HMCN2: variants seen among roughly 807,000 people sequenced by gnomAD.
HMCN2 encodes the protein hemicentin-2.
In HMCN2, 325 loss-of-function variants were observed where a neutral mutation model predicts 377.5. The ratio of observed to expected loss-of-function variants is 0.86; its 90% CI spans 0.79 to 0.94. The LOEUF (loss-of-function observed/expected upper bound fraction) is 0.94. Among genes scored for constraint, HMCN2 ranks in the 40% least tolerant of loss-of-function variants. The pLI is 0.00. For missense variants in HMCN2, 4,543 were observed against 4,725.3 expected, an observed-to-expected ratio of 0.96 and a Z score of 1.13; for synonymous variants, 2,007 against 2,046.8, an observed-to-expected ratio of 0.98 and a Z score of 0.53.
intron 1 of HMCN2, among the ~76,000 whole-genome samples, chr9:130,279,112 G>A (rs558109865): frequency 8.0e-5 from 12 of 149,222 alleles, no homozygotes; most frequent in African/African-American, 2.7e-4. Context: ...TGGTCAGGCT[G>A]ATGGTCTCGA....
At position 130,321,851 on chromosome 9, in the gene HMCN2, A is replaced by C. The variant is rs1336421722; in HGVS notation, c.2840A>C (p.Gln947Pro). Residue 947 changes from glutamine (Q) to proline (P), a missense_variant, in exon 19 of 98, where the codon CAG (glutamine) becomes CCG (proline). This residue lies in a region of HMCN2 where 547 missense variants were observed against 189.9 expected (regional missense o/e 2.88). Transcript: ENST00000683500. ...DGSLHLDRAL[Q>P]EHAGRYSCVA... The stretch of plus-strand genomic sequence containing the variant: ...AGCCTCCACCTTGACCGAGCATTGC[A>C]GGAGCACGCGGGGAGGTACAGCTGT... 1 of 152,084 alleles carries C rather than the reference A, an allele frequency of 6.6e-6. No individual in the cohort carries two copies. Among genetic ancestry groups the C allele is most frequent in the Non-Finnish European group, 1.5e-5 (1 of 68,042 alleles). The allele number at this position is 152,084 out of a possible 1,614,324, so 9.4% of individuals were successfully genotyped here.
intron 25 of HMCN2, among the ~76,000 whole-genome samples, chr9:130,345,561 T>C (rs1051069709): frequency 6.8e-6 from 1 of 147,676 alleles, no homozygotes; most frequent in Non-Finnish European, 1.5e-5. Flanking sequence ...GTGCTTGGTG[T>C]GTATGTTTGT....
chr9:130,431,300 G>A (rs1373761210), intron 95 of HMCN2, 67 bp from the exon 96 acceptor site: 2 of 1,467,888 alleles, frequency 1.4e-6, no homozygotes, highest in Non-Finnish European at 1.8e-6. Flanking sequence ...GGCCACGTTG[G>A]TGTCTGTGGC....
intron 1 of HMCN2, among the ~76,000 whole-genome samples, chr9:130,279,618 GC>G (rs1468985462): frequency 2.6e-5 from 4 of 152,218 alleles, no homozygotes; most frequent in Non-Finnish European, 5.9e-5. Flanking sequence ...CTCCCAGAGT[GC>G]TGATATTACA....
intron 15 of HMCN2, among the ~76,000 whole-genome samples, chr9:130,315,844 G>A (rs1472727996): frequency 6.6e-6 from 1 of 152,114 alleles, no homozygotes; most frequent in African/African-American, 2.4e-5. Flanking sequence ...GAGGAAGGAC[G>A]CTCCCTGGCA....
At position 130,353,108 on chromosome 9, in the gene HMCN2, G is replaced by T. The variant is rs1477093435; in HGVS notation, c.4767G>T (p.Gln1589His). 2 of 1,304,158 alleles carry T rather than the reference G, an allele frequency of 1.5e-6. No homozygotes were observed. The highest frequency in any genetic ancestry group is 2.0e-6 in the Non-Finnish European group (2 of 988,962). 80.8% of individuals were successfully genotyped at this position (1,304,158 alleles called of 1,614,324 possible). The change falls in exon 31 of 98, where the codon CAG (glutamine) becomes CAT (histidine). Residue 1589 changes from glutamine (Q) to histidine (H), a missense_variant. Physicochemically the swap from Gln to His is conservative, Grantham distance 24. This residue lies in a region of HMCN2 where 1,032 missense variants were observed against 1,285.1 expected (regional missense o/e 0.80). Transcript: ENST00000683500. ...ACACTAGGGGCGGTCGGCAGTTGCA[G>T]CTGGGGAGGGCCCAGAGCTCCGATG... ...VVYTRGGRQL[Q>H]LGRAQSSDAG... is the part of the protein sequence containing the mutation.
intron 8 of HMCN2, among the ~76,000 whole-genome samples, chr9:130,301,059 G>A (rs1836476776): frequency 6.6e-6 from 1 of 152,260 alleles, no homozygotes; most frequent in African/African-American, 2.4e-5. Context: ...TAAGGATGCA[G>A]GGAGGGGAAG....
intron 1 of HMCN2, among the ~76,000 whole-genome samples, chr9:130,280,257 G>C (rs372511734): frequency 6.6e-6 from 1 of 150,796 alleles, no homozygotes; most frequent in Non-Finnish European, 1.5e-5. Flanking sequence ...CCGCCTCCCG[G>C]GTTCACGCCA....
chr9:130,391,440 C>G lies in HMCN2; in HGVS notation c.9828-10C>G. 1.0e-6 allele frequency: 1 copy of G among 987,952 alleles called. No homozygotes were observed. Among genetic ancestry groups the G allele is most frequent in the Non-Finnish European group, 1.2e-6 (1 of 830,208 alleles). The allele number at this position is 987,952 out of a possible 1,614,324, so 61.2% of individuals were successfully genotyped here. On this transcript the variant is annotated splice_polypyrimidine_tract_variant and intron_variant, in intron 64 of 97. Coordinates refer to ENST00000683500, the MANE Select transcript of HMCN2 (RefSeq NM_001291815.2). ...ACGCCTCTGCCCTGGGCCCTCCTTC[C>G]CTGTGGCAGGTTCTACCTGGACGGC... is the stretch of plus-strand genomic sequence containing the variant.
At chr9:130,430,742 G>C in intron 95 of HMCN2, 138 bp downstream of exon 95, 2 of 792,396 alleles carry the variant, frequency 2.5e-6, no homozygotes, top group Non-Finnish European at 3.9e-6. Context: ...GTGGTGGATG[G>C]TGGCTTCTCC....
chr9:130,281,458 C>T (rs1389828960), intron 1 of HMCN2, among the ~76,000 whole-genome samples: 5 of 151,950 alleles, frequency 3.3e-5, no homozygotes, highest in Admixed American at 3.3e-4. Flanking sequence ...ATTAGCCCGG[C>T]ATGGCGGTAC....
rs544197239 is a variant in HMCN2, at chr9:130,373,118, G to A, written c.7432G>A (p.Val2478Ile). 4.1e-6 allele frequency: 4 copies of A among 980,274 alleles called. No individual in the cohort carries two copies. Among genetic ancestry groups the A allele is most frequent in the South Asian group, 4.7e-5 (1 of 21,178 alleles). The allele number at this position is 980,274 out of a possible 1,614,324, so 60.7% of individuals were successfully genotyped here. A position where few individuals can be genotyped will look rare whatever the true frequency, so the allele number is the denominator to read the frequency against. The change falls in exon 48 of 98, where the codon GTC becomes ATC. Residue 2478 changes from valine to isoleucine, a missense_variant. This residue lies in a region of HMCN2 where 1,032 missense variants were observed against 1,285.1 expected (regional missense o/e 0.80). Transcript: ENST00000683500. ...ACAGACTGCCCATCTTATGTGCAAC[G>A]TCACAGGTAAGGGCCACATGATGTG... ...DGQTAHLMCN[V>I]TGHPQPKLTW... is the part of the protein sequence containing the mutation.
intron 66 of HMCN2, among the ~76,000 whole-genome samples, chr9:130,392,646 G>A (rs1842376567): frequency 6.6e-6 from 1 of 152,164 alleles, no homozygotes; most frequent in Non-Finnish European, 1.5e-5. Flanking sequence ...GTTGGAGCAG[G>A]CAGCAGGGGT....
intron 84 of HMCN2, among the ~76,000 whole-genome samples, chr9:130,410,076 G>C (rs1843332487): frequency 6.6e-6 from 1 of 152,218 alleles, no homozygotes; most frequent in African/African-American, 2.4e-5. Context: ...TGCCCTGAGA[G>C]GTCCTGCAGT....
chr9:130,287,326 C>T (rs1835468359), intron 4 of HMCN2, among the ~76,000 whole-genome samples: 1 of 152,096 alleles, frequency 6.6e-6, no homozygotes. Context: ...TACGCTCCTC[C>T]CCGCCCGGGG....
rs782663048 is a variant in HMCN2, at chr9:130,285,147, C to T, written c.331-11C>T. On this transcript the variant is annotated splice_polypyrimidine_tract_variant and intron_variant, in intron 2 of 97. Transcript: ENST00000683500. ...GCAGGTGGCAGCTGCTGACATGCTT[C>T]TGCCCTCCAGGGAGGTGGTGACTGC... 2.8e-5 allele frequency: 13 copies of T among 470,874 alleles called. No individual in the cohort carries two copies. The highest frequency in any genetic ancestry group is 2.0e-4 in the South Asian group (13 of 64,552). The allele number at this position is 470,874 out of a possible 1,614,324, so 29.2% of individuals were successfully genotyped here. A position where few individuals can be genotyped will look rare whatever the true frequency, so the allele number is the denominator to read the frequency against.
At chr9:130,332,624 C>T (rs1838487237) in intron 22 of HMCN2, among the ~76,000 whole-genome samples, 2 of 152,250 alleles carry the variant, frequency 1.3e-5, no homozygotes, top group South Asian at 4.1e-4. Flanking sequence ...CCCTACCTAC[C>T]TGAGGCCCCT....
chr9:130,280,743 T>A (rs1391276150), intron 1 of HMCN2, among the ~76,000 whole-genome samples: 3 of 152,168 alleles, frequency 2.0e-5, no homozygotes, highest in Non-Finnish European at 4.4e-5. Flanking sequence ...ATTTATACAT[T>A]TAAATATATG....
At chr9:130,339,240 A>T (rs1195412975) in intron 23 of HMCN2, among the ~76,000 whole-genome samples, 1 of 152,214 alleles carries the variant, frequency 6.6e-6, no homozygotes, top group Non-Finnish European at 1.5e-5. Flanking sequence ...TTATTGGAAC[A>T]CGCCCACGCA....
Sources: gnomAD v4.1 joint callset for allele counts (sites outside exome capture counted in the v4.1 genomes callset) on GRCh38, gnomAD v4.1.1 for gene constraint, gnomAD v4.1.1 regional missense constraint, MANE v1.5 for transcripts, NCBI Gene and HGNC (gene_info 2026-07-23, HGNC 2026-07-21) for gene names.